The following HEMK2 variants were observed in gnomAD, a reference collection of about 807,000 sequenced individuals.
The protein encoded by HEMK2 is methyltransferase HEMK2.
chr21:28,696,510 G>C, the HEMK2 span, among the ~76,000 whole-genome samples: 1 of 152,274 alleles, frequency 6.6e-6, no homozygotes, highest in South Asian at 2.1e-4. Flanking sequence ...GCAGGGTATA[G>C]CCCCTCTCCT....
chr21:28,869,025 G>T, the HEMK2 span, among the ~76,000 whole-genome samples: 1 of 150,336 alleles, frequency 6.7e-6, no homozygotes, highest in African/African-American at 2.5e-5. Flanking sequence ...TGAAAATGTT[G>T]AATAGGAGTG....
chr21:28,871,613 TG>T, the HEMK2 span, among the ~76,000 whole-genome samples: 4 of 152,112 alleles, frequency 2.6e-5, no homozygotes, highest in African/African-American at 9.7e-5. Flanking sequence ...TGAGAGCTAC[TG>T]TAACAGTGTC....
At chr21:28,797,816 T>C in the HEMK2 span, among the ~76,000 whole-genome samples, 2 of 152,204 alleles carry the variant, frequency 1.3e-5, no homozygotes, top group African/African-American at 4.8e-5. Context: ...TGCCTGTTGT[T>C]GCTAAAAGGT....
the HEMK2 span, among the ~76,000 whole-genome samples, chr21:28,784,421 G>C: frequency 6.6e-6 from 1 of 151,104 alleles, no homozygotes; most frequent in African/African-American, 2.4e-5. Context: ...TCTGTGTCTA[G>C]CTAATCTAGT....
chr21:28,870,436 T>C, the HEMK2 span, among the ~76,000 whole-genome samples: 8 of 152,222 alleles, frequency 5.3e-5, no homozygotes, highest in East Asian at 1.5e-3. Context: ...GTCTTGCTCT[T>C]GTTGCCCAGG....
chr21:28,581,163 T>C, the HEMK2 span, among the ~76,000 whole-genome samples: 1 of 152,046 alleles, frequency 6.6e-6, no homozygotes, highest in Non-Finnish European at 1.5e-5. Flanking sequence ...AGACAGAACA[T>C]ACTTATTCAT....
At chr21:28,673,215 G>A in the HEMK2 span, among the ~76,000 whole-genome samples, 1 of 151,910 alleles carries the variant, frequency 6.6e-6, no homozygotes, top group East Asian at 1.9e-4. Flanking sequence ...AAGAAGAAAG[G>A]ATGAAAGGGG....
At chr21:28,672,387 G>A in the HEMK2 span, among the ~76,000 whole-genome samples, 1 of 151,894 alleles carries the variant, frequency 6.6e-6, no homozygotes, top group Non-Finnish European at 1.5e-5. Flanking sequence ...CCAAGGAGAG[G>A]ACTGCATATG....
the HEMK2 span, among the ~76,000 whole-genome samples, chr21:28,871,578 A>G: frequency 6.6e-6 from 1 of 152,268 alleles, no homozygotes; most frequent in Admixed American, 6.5e-5. Flanking sequence ...TTAGCTTTTA[A>G]CTTTGTACTC....
the HEMK2 span, among the ~76,000 whole-genome samples, chr21:28,737,188 A>C: frequency 6.6e-6 from 1 of 152,198 alleles, no homozygotes; most frequent in African/African-American, 2.4e-5. Context: ...GCAGTGGTAC[A>C]ATCTCAGCTC....
the HEMK2 span, among the ~76,000 whole-genome samples, chr21:28,841,617 T>C: frequency 6.7e-6 from 1 of 148,622 alleles, no homozygotes; most frequent in Non-Finnish European, 1.5e-5. Flanking sequence ...AGCTAAGCTA[T>C]GAGGACACAA....
the HEMK2 span, among the ~76,000 whole-genome samples, chr21:28,708,567 A>G: frequency 6.6e-6 from 1 of 152,232 alleles, no homozygotes; most frequent in Admixed American, 6.5e-5. Flanking sequence ...GATAGCTATG[A>G]CAGTTGTCAA....
At chr21:28,822,058 TAC>T in the HEMK2 span, among the ~76,000 whole-genome samples, 1 of 152,226 alleles carries the variant, frequency 6.6e-6, no homozygotes, top group South Asian at 2.1e-4. Context: ...AGAAGAGAGA[TAC>T]TCTATCATGT....
At chr21:28,867,343 A>G in the HEMK2 span, among the ~76,000 whole-genome samples, 1 of 152,226 alleles carries the variant, frequency 6.6e-6, no homozygotes, top group African/African-American at 2.4e-5. Context: ...TATTAAGCAG[A>G]AAACTCAATT....
At chr21:28,829,649 A>G in the HEMK2 span, among the ~76,000 whole-genome samples, 1 of 152,220 alleles carries the variant, frequency 6.6e-6, no homozygotes, top group Non-Finnish European at 1.5e-5. Flanking sequence ...CTAAGGCAGT[A>G]TCCCATTCTC....
chr21:28,598,720 T>C, the HEMK2 span, among the ~76,000 whole-genome samples: 1 of 152,172 alleles, frequency 6.6e-6, no homozygotes, highest in Non-Finnish European at 1.5e-5. Context: ...TCCTGGGAAT[T>C]CTATAGAATT....
the HEMK2 span, among the ~76,000 whole-genome samples, chr21:28,757,136 T>C: frequency 1.8e-4 from 27 of 152,300 alleles, no homozygotes; most frequent in South Asian, 3.5e-3. Flanking sequence ...ATTAGGAATA[T>C]CAAATTATGC....
chr21:28,645,081 G>A, the HEMK2 span, among the ~76,000 whole-genome samples: 2 of 152,144 alleles, frequency 1.3e-5, no homozygotes, highest in African/African-American at 4.8e-5. Context: ...TATGAAGTGA[G>A]TCTTTGAGGC....
At chr21:28,825,317 T>C in the HEMK2 span, among the ~76,000 whole-genome samples, 1 of 152,174 alleles carries the variant, frequency 6.6e-6, no homozygotes, top group African/African-American at 2.4e-5. Context: ...TCTAACACAT[T>C]CCCATGTAAT....
Sources: allele counts gnomAD v4.1 joint callset (sites outside exome capture counted in the v4.1 genomes callset), GRCh38; gene constraint gnomAD v4.1.1; transcripts MANE v1.5; gene names NCBI Gene and HGNC (gene_info 2026-07-23, HGNC 2026-07-21).